The following SLC35F1 variants were observed in gnomAD, a reference collection of about 807,000 sequenced individuals.
SLC35F1 encodes chromosome 6 open reading frame 169.
A neutral mutation model predicts 48.7 loss-of-function variants in SLC35F1; 14 were observed. The observed-to-expected ratio is 0.29, with a 90% CI of 0.19 to 0.45. The LOEUF (loss-of-function observed/expected upper bound fraction) is 0.45, where lower values mean the gene tolerates loss of function less well. SLC35F1 is among the 20% of genes least tolerant of loss of function. The pLI is 1.00. For missense variants in SLC35F1, 404 were observed against 500.0 expected, an observed-to-expected ratio of 0.81 and a Z score of 1.83; for synonymous variants, 190 against 202.2, an observed-to-expected ratio of 0.94 and a Z score of 0.51.
intron 2 of SLC35F1, among the ~76,000 whole-genome samples, chr6:118,195,858 C>T (rs1022927604): frequency 6.6e-6 from 1 of 152,188 alleles, no homozygotes; most frequent in Non-Finnish European, 1.5e-5. Flanking sequence ...GATCAGCGGA[C>T]ACAGGTGGGT....
chr6:118,145,421 A>C (rs1466073412), intron 1 of SLC35F1, among the ~76,000 whole-genome samples: 1 of 152,230 alleles, frequency 6.6e-6, no homozygotes, highest in Non-Finnish European at 1.5e-5. Flanking sequence ...TTGATTTAAA[A>C]ATAATTCCTA....
chr6:118,148,701 T>G (rs1160138764), intron 1 of SLC35F1, among the ~76,000 whole-genome samples: 2 of 152,236 alleles, frequency 1.3e-5, no homozygotes, highest in Non-Finnish European at 2.9e-5. Flanking sequence ...ATGTTTCTTA[T>G]GTTAGAATGC....
chr6:118,286,290 C>T (rs1222580710), intron 7 of SLC35F1, among the ~76,000 whole-genome samples: 1 of 152,208 alleles, frequency 6.6e-6, no homozygotes, highest in Admixed American at 6.5e-5. Flanking sequence ...ATCCGCAGCA[C>T]TCGGGGGTGG....
intron 2 of SLC35F1, among the ~76,000 whole-genome samples, chr6:118,228,006 C>T (rs887455647): frequency 5.9e-5 from 9 of 152,130 alleles, no homozygotes; most frequent in African/African-American, 2.2e-4. Context: ...AGGTTCAGAG[C>T]CACTAACCCA....
At chr6:118,222,542 C>T (rs1268247605) in intron 2 of SLC35F1, among the ~76,000 whole-genome samples, 1 of 151,996 alleles carries the variant, frequency 6.6e-6, no homozygotes, top group Non-Finnish European at 1.5e-5. Flanking sequence ...CAAATTTCCC[C>T]TCATCTACCA....
chr6:118,036,324 A>G (rs1056610822), intron 1 of SLC35F1, among the ~76,000 whole-genome samples: 1 of 152,178 alleles, frequency 6.6e-6, no homozygotes, highest in Admixed American at 6.5e-5. Context: ...TATTTGAGGA[A>G]TTCCTGATAT....
intron 7 of SLC35F1, among the ~76,000 whole-genome samples, chr6:118,288,659 G>C (rs1279535057): frequency 6.6e-6 from 1 of 152,162 alleles, no homozygotes; most frequent in African/African-American, 2.4e-5. Flanking sequence ...ATTAATGCCA[G>C]TTGGCTCTTC....
Position 118,119,504 on chromosome 6 carries a change from C to CCCA in SLC35F1, c.174-34941_174-34940insCCA, listed in dbSNP as rs112815762. Among the ~76,000 whole-genome samples, 8 of 112,846 alleles carry CCCA rather than the reference C, an allele frequency of 7.1e-5. No individual in the cohort carries two copies. The East Asian group carries it at 8.8e-4, about 12-fold the overall frequency. The allele number at this position is 112,846 out of a possible 152,430, so 74.0% of individuals were successfully genotyped here. ...GCAGTAATAACCGGCGCCCCCCCTC[C>CCCA]ACCCCGCTTTTTTTTTTGAGACGGA... On this transcript the variant is annotated intron_variant, in intron 1 of 7. Transcript: ENST00000360388.
rs11962821 is a variant in SLC35F1 at position 118,137,279 on chromosome 6, G to A, written c.174-17166G>A. Among the ~76,000 whole-genome samples, 1,270 of 152,302 alleles carry A rather than the reference G, an allele frequency of 8.3e-3. 20 individuals are homozygous for A. Among genetic ancestry groups the A allele is most frequent in the African/African-American group, 0.029 (1,205 of 41,548 alleles). ...TTTCCCCAAGTATAGGAAAAGAGGA[G>A]TTGTTAAGGATGCAAGATAATTTAC... On this transcript the variant is annotated intron_variant, in intron 1 of 7. Transcript: ENST00000360388.
intron 1 of SLC35F1, among the ~76,000 whole-genome samples, chr6:117,975,411 T>C (rs979606229): frequency 7.2e-5 from 11 of 152,198 alleles, no homozygotes; most frequent in African/African-American, 1.7e-4. Context: ...TGACCTGGGA[T>C]TGGCTGGCAG....
At chr6:118,036,707 GC>G (rs1747825439) in intron 1 of SLC35F1, among the ~76,000 whole-genome samples, 1 of 152,096 alleles carries the variant, frequency 6.6e-6, no homozygotes, top group Non-Finnish European at 1.5e-5. Flanking sequence ...ACAGGTGCAT[GC>G]CACCATACCA....
chr6:118,112,121 C>CTTTT (rs1357867120), intron 1 of SLC35F1, among the ~76,000 whole-genome samples: 3 of 99,640 alleles, frequency 3.0e-5, no homozygotes, highest in African/African-American at 1.2e-4. Context: ...CTTTTCTTTT[C>CTTTT]TTTTCTTTTC....
chr6:118,047,886 C>T (rs1018877484), intron 1 of SLC35F1, among the ~76,000 whole-genome samples: 1 of 152,046 alleles, frequency 6.6e-6, no homozygotes, highest in African/African-American at 2.4e-5. Context: ...CTTCTCCTGC[C>T]TAATTGCCCT....
intron 1 of SLC35F1, among the ~76,000 whole-genome samples, chr6:118,056,383 C>T (rs1345389009): frequency 6.6e-6 from 1 of 152,048 alleles, no homozygotes; most frequent in Non-Finnish European, 1.5e-5. Flanking sequence ...AAATATACAT[C>T]TCAAAAGCAG....
chr6:118,100,481 C>G (rs1457837446), intron 1 of SLC35F1, among the ~76,000 whole-genome samples: 1 of 152,174 alleles, frequency 6.6e-6, no homozygotes, highest in African/African-American at 2.4e-5. Context: ...ACTGGAACCA[C>G]TCACAGAACT....
intron 6 of SLC35F1, among the ~76,000 whole-genome samples, chr6:118,279,338 C>T (rs1775954503): frequency 6.6e-6 from 1 of 152,140 alleles, no homozygotes. Flanking sequence ...TACTCATCTT[C>T]CTCTTTCTGA....
At chr6:118,220,998 T>A (rs1775139696) in intron 2 of SLC35F1, among the ~76,000 whole-genome samples, 1 of 152,200 alleles carries the variant, frequency 6.6e-6, no homozygotes, top group African/African-American at 2.4e-5. Context: ...TCACTTGGGA[T>A]GTTAGCTTAT....
intron 2 of SLC35F1, among the ~76,000 whole-genome samples, chr6:118,217,727 T>C (rs1775094445): frequency 6.6e-6 from 1 of 152,346 alleles, no homozygotes; most frequent in East Asian, 1.9e-4. Context: ...GCAGGAATTA[T>C]GCCCCCCTGC....
intron 2 of SLC35F1, among the ~76,000 whole-genome samples, chr6:118,189,580 T>A (rs1774705593): frequency 6.6e-6 from 1 of 152,242 alleles, no homozygotes; most frequent in Non-Finnish European, 1.5e-5. Context: ...CTTTTGATTT[T>A]GTTGATTGTA....
Sources: allele counts gnomAD v4.1 joint callset (sites outside exome capture counted in the v4.1 genomes callset), GRCh38; gene constraint gnomAD v4.1.1; transcripts MANE v1.5; gene names NCBI Gene and HGNC (gene_info 2026-07-23, HGNC 2026-07-21).